Variants in POC1B observed in about 807,000 individuals in gnomAD.
POC1B encodes POC1 centriolar protein B.
In POC1B, 44 loss-of-function variants were observed where a neutral mutation model predicts 60.6. The observed-to-expected ratio is 0.73, with a 90% CI of 0.57 to 0.93. The LOEUF is 0.93. POC1B is among the 40% of genes least tolerant of loss of function. The pLI is 0.00. For missense variants in POC1B, 555 were observed against 572.3 expected, an observed-to-expected ratio of 0.97 and a Z score of 0.31; for synonymous variants, 180 against 198.9, an observed-to-expected ratio of 0.90 and a Z score of 0.80.
At chr12:89,500,384 C>A in intron 2 of POC1B, 1 of 1,498,212 alleles carries the variant, frequency 6.7e-7, no homozygotes, top group Non-Finnish European at 9.3e-7. Context: ...AGCCTCTCTG[C>A]AGTTTGTTGT....
chr12:89,412,807 G>GTTCCTTCC, the POC1B span, among the ~76,000 whole-genome samples: 1,238 of 127,488 alleles, frequency 9.7e-3, 16 homozygotes, highest in Non-Finnish European at 0.012. Context: ...AGAAACACAT[G>GTTCCTTCC]TTCCTTCCTT....
chr12:89,431,595 A>C (rs1881034006), intron 10 of POC1B, among the ~76,000 whole-genome samples: 1 of 152,240 alleles, frequency 6.6e-6, no homozygotes, highest in Admixed American at 6.5e-5. Context: ...TTTCAATGAT[A>C]AAATTTAGAG....
chr12:89,440,587 A>T (rs1881469378), intron 10 of POC1B, among the ~76,000 whole-genome samples: 3 of 152,298 alleles, frequency 2.0e-5, no homozygotes, highest in African/African-American at 7.2e-5. Context: ...TTAGGAAAAA[A>T]ATTTTCAGCC....
chr12:89,417,208 G>A (rs1331222549), downstream of POC1B, among the ~76,000 whole-genome samples: 1 of 151,968 alleles, frequency 6.6e-6, no homozygotes, highest in Non-Finnish European at 1.5e-5. Flanking sequence ...TAATTAATTG[G>A]GAGCCCATTA....
chr12:89,524,272 T>C (rs1225674263), intron 2 of POC1B: 6 of 1,614,040 alleles, frequency 3.7e-6, no homozygotes, highest in Non-Finnish European at 5.1e-6. Context: ...GAGTTCTTCT[T>C]GCTGCTTCAG....
Position 89,458,707 on chromosome 12 carries a change from G to C in POC1B, c.1113+931C>G, listed in dbSNP as rs552104136. ...GAGAATTTGTAATGTCATAATGTCA[G>C]GGTTTTATTTTGGCTACAAATTAAA... On this transcript the variant is annotated intron_variant, in intron 10 of 11. Transcript: ENST00000313546. 3.3e-5 allele frequency among the ~76,000 whole-genome samples: 5 copies of C among 152,236 alleles called. No homozygotes were observed. The East Asian group carries it at 9.7e-4, about 29-fold the overall frequency.
At chr12:89,448,503 T>G (rs749093760) in intron 10 of POC1B, among the ~76,000 whole-genome samples, 1 of 152,230 alleles carries the variant, frequency 6.6e-6, no homozygotes, top group Non-Finnish European at 1.5e-5. Flanking sequence ...GAGAATATCC[T>G]TTCTCAACAG....
chr12:89,469,674 G>C (rs1251516346), intron 7 of POC1B, among the ~76,000 whole-genome samples: 1 of 152,134 alleles, frequency 6.6e-6, no homozygotes, highest in East Asian at 1.9e-4. Context: ...AGGTGTGAGA[G>C]GCTGGGTGTC....
rs561686851 is a variant in POC1B, at chr12:89,425,629, T to C, written c.1114-250A>G. 6.8e-4 allele frequency: 218 copies of C among 319,188 alleles called. 2 individuals are homozygous for C. Among genetic ancestry groups the C allele is most frequent in the African/African-American group, 4.4e-3 (204 of 46,264 alleles). The allele number at this position is 319,188 out of a possible 1,614,324, so 19.8% of individuals were successfully genotyped here. ...TCTTTTCAATGAAACACACTTTCCA[T>C]ACACTGATCTGAGGGATCTACCATT... On this transcript the variant is annotated intron_variant, in intron 10 of 11. Transcript: ENST00000313546.
chr12:89,469,430 A>G lies in POC1B; in HGVS notation c.810+931T>C, dbSNP rs145067697. 3.2e-4 allele frequency among the ~76,000 whole-genome samples: 48 copies of G among 152,332 alleles called. No homozygotes were observed. The East Asian group carries it at 6.7e-3, about 21-fold the overall frequency. On this transcript the variant is annotated intron_variant, in intron 7 of 11. Transcript: ENST00000313546. The stretch of plus-strand genomic sequence containing the variant: ...GAAATATCACCTTTCTTTCTAATAA[A>G]TGCTTGTAAAAAGAGAATGTGGCTT...
chr12:89,464,305 C>T (rs1404046209), intron 9 of POC1B, among the ~76,000 whole-genome samples: 1 of 152,096 alleles, frequency 6.6e-6, no homozygotes, highest in Non-Finnish European at 1.5e-5. Flanking sequence ...TCTATTCTGA[C>T]TATTCCATTC....
the POC1B span, among the ~76,000 whole-genome samples, chr12:89,408,517 G>A: frequency 9.8e-5 from 14 of 143,254 alleles, no homozygotes; most frequent in East Asian, 2.0e-4. Flanking sequence ...ACGGAGTCTC[G>A]CTCTGTCACC....
rs193164144 is a variant in POC1B at position 89,425,390 on chromosome 12, A to G, written c.1114-11T>C. ...ACTGGTTTCTGTTGTCTTTAATGTC[A>G]CAGAAAATGTAGGAAGAGTTATATT... On this transcript the variant is annotated splice_polypyrimidine_tract_variant and intron_variant, in intron 10 of 11. Coordinates refer to ENST00000313546, the MANE Select transcript of POC1B (RefSeq NM_172240.3). 6.3e-7 allele frequency: 1 copy of G among 1,599,570 alleles called. No individual in the cohort carries two copies. The highest frequency in any genetic ancestry group is 1.7e-5 in the Admixed American group (1 of 57,546).
intron 2 of POC1B, chr12:89,501,793 A>G: frequency 9.4e-7 from 1 of 1,059,338 alleles, no homozygotes; most frequent in Non-Finnish European, 1.5e-6. Flanking sequence ...TGCTAAGAAA[A>G]CAAATCAGTC....
chr12:89,513,187 A>T (rs1272076081), intron 2 of POC1B, among the ~76,000 whole-genome samples: 1 of 151,564 alleles, frequency 6.6e-6, no homozygotes, highest in African/African-American at 2.4e-5. Context: ...TAAATTTAGT[A>T]ATTTTTTAAG....
chr12:89,408,810 G>A, the POC1B span, among the ~76,000 whole-genome samples: 5 of 152,050 alleles, frequency 3.3e-5, no homozygotes, highest in South Asian at 2.1e-4. Context: ...TTTAATGATC[G>A]CCATTCTAAC....
chr12:89,525,198 G>C lies in POC1B; in HGVS notation c.22C>G (p.Pro8Ala). The C allele has an allele frequency of 2.5e-6, 4 of 1,608,764 alleles. No homozygotes were observed. The highest frequency in any genetic ancestry group is 3.4e-6 in the Non-Finnish European group (4 of 1,177,596). The change falls in exon 2 of 12, where the codon CCC becomes GCC. Residue 8 changes from proline to alanine, a missense_variant. Physicochemically the swap from Pro to Ala is conservative, Grantham distance 27. Transcript: ENST00000313546. ...CCTTTGAAATAACGCTCCAGAACGGGGTCCTCCTGGAAAGGAAAGTTGTCA... is the reference window on the plus strand; with the variant it reads ...CCTTTGAAATAACGCTCCAGAACGGCGTCCTCCTGGAAAGGAAAGTTGTCA... Reference protein sequence around the residue: MASATEDPVLERYFKGHK... With the variant: MASATEDAVLERYFKGHK...
At chr12:89,472,418 G>T in intron 4 of POC1B, 143 bp from the exon 5 acceptor site, 1 of 593,960 alleles carries the variant, frequency 1.7e-6, no homozygotes, top group Non-Finnish European at 2.9e-6. Flanking sequence ...GTCATATTCT[G>T]CAGCCAAGAT....
intron 2 of POC1B, chr12:89,524,471 G>C (rs1161655983): frequency 6.2e-7 from 1 of 1,613,616 alleles, no homozygotes; most frequent in South Asian, 1.1e-5. Context: ...GAGACCAAGA[G>C]CTCCACGAAG....
Sources: allele counts gnomAD v4.1 joint callset (sites outside exome capture counted in the v4.1 genomes callset), GRCh38; gene constraint gnomAD v4.1.1; transcripts MANE v1.5; gene names NCBI Gene and HGNC (gene_info 2026-07-23, HGNC 2026-07-21).